The following ANO5 variants were observed in gnomAD, a reference collection of about 807,000 sequenced individuals.
ANO5 encodes the protein anoctamin-5.
Under a neutral mutation model 121.0 loss-of-function variants are expected in ANO5, and 109 were observed. The ratio of observed to expected loss-of-function variants is 0.90; its 90% CI spans 0.77 to 1.06. ANO5 has a LOEUF of 1.06. ANO5 is among the 50% of genes least tolerant of loss of function. The pLI is 0.00. For synonymous variants in ANO5, 406 were observed against 359.9 expected, an observed-to-expected ratio of 1.13 and a Z score of -1.45; for missense variants, 1,064 against 1,078.5, an observed-to-expected ratio of 0.99 and a Z score of 0.19.
chr11:22,275,102 C>A (rs565082715), intron 20 of ANO5, among the ~76,000 whole-genome samples: 1 of 152,046 alleles, frequency 6.6e-6, no homozygotes, highest in South Asian at 2.1e-4. Flanking sequence ...ACAACATTGT[C>A]AAATTGTATA....
rs78076061 is a variant in ANO5, at chr11:22,215,105, A to G, written c.139-3141A>G. Among the ~76,000 whole-genome samples the G allele has an allele frequency of 0.014, 2,063 of 152,018 alleles. 155 individuals carry two copies. The East Asian group carries it at 0.21, about 16-fold the overall frequency. On this transcript the variant is annotated intron_variant, in intron 3 of 21. Coordinates refer to ENST00000324559, the MANE Select transcript of ANO5 (RefSeq NM_213599.3). The stretch of plus-strand genomic sequence containing the variant: ...AGGGGATTGGACAGAATAGTTTGGT[A>G]AGTATTTAGAGTTTAGTAAGCAAAG...
chr11:22,231,355 T>C (rs7925246), intron 7 of ANO5, among the ~76,000 whole-genome samples: 22,723 of 151,834 alleles, frequency 0.15, 5,000 homozygotes, highest in African/African-American at 0.48. Context: ...ATTTTTTAAT[T>C]GTACGACTGA....
At chr11:22,236,311 A>G in intron 8 of ANO5, 35 bp downstream of exon 8, 2 of 1,510,180 alleles carry the variant, frequency 1.3e-6, no homozygotes, top group Non-Finnish European at 1.8e-6. Flanking sequence ...ATCTGAGCTT[A>G]TTTTCCTCCT....
chr11:22,222,811 C>A (rs539874194), intron 5 of ANO5, among the ~76,000 whole-genome samples: 1 of 152,092 alleles, frequency 6.6e-6, no homozygotes, highest in South Asian at 2.1e-4. Flanking sequence ...GCCCATGGAC[C>A]TTAACTGGGT....
rs535319996 is a variant in ANO5, at chr11:22,211,323, C to T, written c.138+9C>T. Reference sequence around the variant, plus strand: ...TCAATGAAGAAACAATGGTAAGCAGCGACCAGTACTATCCTTTCTTGCATG... The same window carrying T: ...TCAATGAAGAAACAATGGTAAGCAGTGACCAGTACTATCCTTTCTTGCATG... On this transcript the variant is annotated intron_variant, in intron 3 of 21. Coordinates refer to ENST00000324559, the MANE Select transcript of ANO5 (RefSeq NM_213599.3). 3.5e-5 allele frequency: 56 copies of T among 1,611,256 alleles called. No individual in the cohort carries two copies. In the Middle Eastern group the frequency reaches 1.5e-3, roughly 43 times the overall value.
At chr11:22,214,564 T>C (rs1852379947) in intron 3 of ANO5, among the ~76,000 whole-genome samples, 1 of 151,924 alleles carries the variant, frequency 6.6e-6, no homozygotes, top group African/African-American at 2.4e-5. Flanking sequence ...CTGAAGGGAA[T>C]AGGGTAAGGA....
chr11:22,235,152 AG>A (rs1346377143), intron 7 of ANO5, among the ~76,000 whole-genome samples: 4 of 151,768 alleles, frequency 2.6e-5, no homozygotes, highest in African/African-American at 9.7e-5. Flanking sequence ...GCCTAAATTC[AG>A]GTTTTTTTTT....
rs1488095558 is a variant in ANO5, at chr11:22,270,373, C to T, written c.1960C>T (p.Arg654Ter). 1.5e-5 allele frequency: 25 copies of T among 1,613,940 alleles called. No individual in the cohort carries two copies. In the Admixed American group the frequency reaches 3.7e-4, roughly 24 times the overall value. The change falls in exon 18 of 22, where the codon CGA (arginine) becomes TGA (stop). Residue 654 changes from arginine (R) to a stop codon, truncating the protein, a stop_gained. Coordinates refer to ENST00000324559, the MANE Select transcript of ANO5 (RefSeq NM_213599.3). LOFTEE classifies it high-confidence loss of function. ...ARTNSEKLYS[R>*]WEQDHDLESF... is the part of the protein sequence containing the mutation. ...GACAAACTCTGAGAAGCTGTATAGT[C>T]GATGGGAGCAGGATCATGACCTTGA... is the stretch of plus-strand genomic sequence containing the variant.
At chr11:22,198,296 G>C (rs1851868605) in intron 1 of ANO5, among the ~76,000 whole-genome samples, 1 of 152,192 alleles carries the variant, frequency 6.6e-6, no homozygotes, top group African/African-American at 2.4e-5. Flanking sequence ...CAATCCAGGG[G>C]ACAGTTGAGG....
intron 9 of ANO5, among the ~76,000 whole-genome samples, chr11:22,247,660 C>A (rs1253258924): frequency 6.6e-6 from 1 of 152,098 alleles, no homozygotes; most frequent in Non-Finnish European, 1.5e-5. Flanking sequence ...TCACATATTT[C>A]ATGTTACCTC....
chr11:22,218,823 A>T (rs1378046823), intron 4 of ANO5, among the ~76,000 whole-genome samples: 2 of 152,126 alleles, frequency 1.3e-5, no homozygotes, highest in East Asian at 3.9e-4. Context: ...TCGGACTCTC[A>T]AAGTGCTGGG....
Position 22,218,296 on chromosome 11 carries a change from AGTGCT to A in ANO5, c.180+11_180+15del, listed in dbSNP as rs1368061770. ...TGAGGCGGCGGCTTATGGTAAAACCAGTGCTGAATGATGCTGCTTATGCTCTGAAT... is the reference window on the plus strand; with the variant it reads ...TGAGGCGGCGGCTTATGGTAAAACCAGAATGATGCTGCTTATGCTCTGAAT... On this transcript the variant is annotated intron_variant, in intron 4 of 21. Coordinates refer to ENST00000324559, the MANE Select transcript of ANO5 (RefSeq NM_213599.3). The A allele has an allele frequency of 6.2e-7, 1 of 1,613,226 alleles. No homozygotes were observed. The highest frequency in any genetic ancestry group is 8.5e-7 in the Non-Finnish European group (1 of 1,179,608).
chr11:22,214,704 C>T (rs1852384074), intron 3 of ANO5, among the ~76,000 whole-genome samples: 1 of 151,870 alleles, frequency 6.6e-6, no homozygotes, highest in Non-Finnish European at 1.5e-5. Flanking sequence ...CTATTCTTTC[C>T]AATCATTCGT....
chr11:22,192,649 C>G (rs190001189), upstream of ANO5, among the ~76,000 whole-genome samples: 12 of 152,316 alleles, frequency 7.9e-5, no homozygotes, highest in East Asian at 2.3e-3. Context: ...ATGAGCGGAT[C>G]GATGAAGACC....
chr11:22,206,931 G>A (rs987223058), intron 2 of ANO5, among the ~76,000 whole-genome samples: 4 of 151,796 alleles, frequency 2.6e-5, no homozygotes, highest in Non-Finnish European at 2.9e-5. Context: ...TAAAATAAAA[G>A]GTATTCAGAT....
chr11:22,262,213 G>C lies in ANO5; in HGVS notation c.1715G>C (p.Cys572Ser). ...LFQFVNFYSS[C>S]FYVAFFKGKF... Reference sequence around the variant, plus strand: ...CAGTTTGTAAATTTTTACTCATCCTGCTTCTACGTAGCTTTCTTTAAAGGG... The same window carrying C: ...CAGTTTGTAAATTTTTACTCATCCTCCTTCTACGTAGCTTTCTTTAAAGGG... The change falls in exon 16 of 22, where the codon TGC becomes TCC. Residue 572 changes from cysteine to serine, a missense_variant. Cys to Ser is a moderately radical substitution (Grantham distance 112). Transcript: ENST00000324559. 1.2e-6 allele frequency: 2 copies of C among 1,613,826 alleles called. No individual in the cohort carries two copies. Among genetic ancestry groups the C allele is most frequent in the Non-Finnish European group, 1.7e-6 (2 of 1,179,892 alleles).
In ANO5 at chr11:22,193,203, G is replaced by A. The variant is rs1176663665; in HGVS notation, c.-290G>A. On this transcript the variant is annotated 5_prime_UTR_variant, in exon 1 of 22. Coordinates refer to ENST00000324559, the MANE Select transcript of ANO5 (RefSeq NM_213599.3). ...AGCGCCCAGGAGCGCTACCGGCTGA[G>A]GGTGGGGAAGCGCAGGGCCAAGCGC... 11 of 1,290,550 alleles carry A rather than the reference G, an allele frequency of 8.5e-6. No individual in the cohort carries two copies. The highest frequency in any genetic ancestry group is 1.1e-5 in the Non-Finnish European group (11 of 1,006,922). The allele number at this position is 1,290,550 out of a possible 1,614,324, so 79.9% of individuals were successfully genotyped here.
chr11:22,236,597 T>C lies in ANO5; in HGVS notation c.762+321T>C, dbSNP rs10833726. On this transcript the variant is annotated intron_variant, in intron 8 of 21. Transcript: ENST00000324559. ...TAATATTTGGAAATTTCTATCTGAG[T>C]CCTTTAGTTCTTTTCTCATTTATAA... Among the ~76,000 whole-genome samples, 22,684 of 152,140 alleles carry C rather than the reference T, an allele frequency of 0.15. 4,919 individuals carry two copies. The highest frequency in any genetic ancestry group is 0.47 in the African/African-American group (19,667 of 41,444).
chr11:22,205,694 T>C (rs897353965), intron 2 of ANO5, among the ~76,000 whole-genome samples: 2 of 152,034 alleles, frequency 1.3e-5, no homozygotes, highest in Admixed American at 6.6e-5. Flanking sequence ...TGTGGAAAGA[T>C]ACATAAAATT....
Sources: gnomAD v4.1 joint callset for allele counts (sites outside exome capture counted in the v4.1 genomes callset) on GRCh38, gnomAD v4.1.1 for gene constraint, MANE v1.5 for transcripts, NCBI Gene and HGNC (gene_info 2026-07-23, HGNC 2026-07-21) for gene names.